The following TMEM165 variants were observed in gnomAD, a reference collection of about 807,000 sequenced individuals.
TMEM165 encodes transmembrane protein 165.
A neutral mutation model predicts 30.0 loss-of-function variants in TMEM165; 19 were observed. The observed-to-expected ratio is 0.63, with a 90% CI of 0.44 to 0.93. The LOEUF (loss-of-function observed/expected upper bound fraction) is 0.93, where lower values mean the gene tolerates loss of function less well. TMEM165 is among the 40% of genes least tolerant of loss of function. TMEM165 has a pLI of 0.00. For synonymous variants in TMEM165, 168 were observed against 162.9 expected, an observed-to-expected ratio of 1.03 and a Z score of -0.24; for missense variants, 340 against 417.0, an observed-to-expected ratio of 0.82 and a Z score of 1.61.
intron 1 of TMEM165, among the ~76,000 whole-genome samples, chr4:55,405,546 CTTTTAAGAGTACTAAATACATAATAGCG>C (rs1216803738): frequency 1.3e-5 from 2 of 152,116 alleles, no homozygotes; most frequent in African/African-American, 4.8e-5. Context: ...TCCGACATAC[CTTTTAAGAGTACTAAATACATAATAGCG>C]TTTTAAGAGT....
At chr4:55,407,630 C>T (rs372512451) in intron 1 of TMEM165, among the ~76,000 whole-genome samples, 50 of 152,132 alleles carry the variant, frequency 3.3e-4, no homozygotes, top group African/African-American at 1.2e-3. Context: ...TGCTCTGGCT[C>T]ATCCTTCAGG....
chr4:55,438,176 G>T, intron 3 of TMEM165: 1 of 1,380,604 alleles, frequency 7.2e-7, no homozygotes, highest in Non-Finnish European at 1.0e-6. Context: ...TGTACAATAA[G>T]CTTTTGTGAA....
At chr4:55,400,202 A>T (rs1720898120) in intron 1 of TMEM165, among the ~76,000 whole-genome samples, 1 of 75,048 alleles carries the variant, frequency 1.3e-5, no homozygotes, top group Non-Finnish European at 2.3e-5. Context: ...ATAAATATAT[A>T]ATTTATATTT....
chr4:55,438,612 ACTT>A, intron 3 of TMEM165: 1 of 1,605,356 alleles, frequency 6.2e-7, no homozygotes. Context: ...TGGAGTAAAT[ACTT>A]ACCTAAGATA....
chr4:55,404,558 T>A (rs1721195401), intron 1 of TMEM165, among the ~76,000 whole-genome samples: 1 of 152,120 alleles, frequency 6.6e-6, no homozygotes, highest in Non-Finnish European at 1.5e-5. Context: ...CCCAAGTAGC[T>A]GGGACTACAG....
chr4:55,427,825 T>A (rs1722295354), downstream of TMEM165: 1 of 152,198 alleles, frequency 6.6e-6, no homozygotes, highest in Admixed American at 6.5e-5. Context: ...GAATTTTTGG[T>A]AAGTCAGACC....
chr4:55,407,262 T>A (rs1721308494), intron 1 of TMEM165, among the ~76,000 whole-genome samples: 3 of 152,108 alleles, frequency 2.0e-5, no homozygotes, highest in African/African-American at 7.2e-5. Context: ...GGCTGAAGGC[T>A]TGTGGTTAGC....
At chr4:55,403,516 A>ATTTCT (rs1721132384) in intron 1 of TMEM165, among the ~76,000 whole-genome samples, 3 of 128,526 alleles carry the variant, frequency 2.3e-5, no homozygotes, top group Non-Finnish European at 4.8e-5. Flanking sequence ...TTTTTTTACA[A>ATTTCT]TTTTTACATT....
chr4:55,422,229 C>T (rs1305678210), intron 4 of TMEM165, among the ~76,000 whole-genome samples: 1 of 152,202 alleles, frequency 6.6e-6, no homozygotes, highest in Admixed American at 6.6e-5. Flanking sequence ...ATGCTATCAA[C>T]ATTCTTCTCT....
In TMEM165 at chr4:55,452,843, G is replaced by A. The variant is rs779475447; in HGVS notation, c.*537G>A. On this transcript the variant is annotated 3_prime_UTR_variant, in exon 4 of 4. Transcript: ENST00000608091. ...CACTGGGAATAAATGGTAGTTTTGA[G>A]ATCAGACACATCTCTCATCCAATTT... 1.0e-4 allele frequency: 45 copies of A among 450,264 alleles called. No homozygotes were observed. In the Middle Eastern group the frequency reaches 1.9e-3, roughly 19 times the overall value. The allele number at this position is 450,264 out of a possible 1,614,324, so 27.9% of individuals were successfully genotyped here.
At chr4:55,396,484 C>A in intron 1 of TMEM165, 88 bp downstream of exon 1, 1 of 1,175,936 alleles carries the variant, frequency 8.5e-7, no homozygotes, top group Non-Finnish European at 1.1e-6. Flanking sequence ...CCGCACTCCG[C>A]CGGCCTCGGC....
chr4:55,443,656 C>T (rs1723551341), intron 3 of TMEM165: 2 of 1,568,498 alleles, frequency 1.3e-6, no homozygotes, highest in Admixed American at 1.7e-5. Flanking sequence ...CCACTGATCA[C>T]TCCATAGCCC....
intron 2 of TMEM165, among the ~76,000 whole-genome samples, chr4:55,413,721 A>G (rs899695989): frequency 2.3e-4 from 35 of 152,376 alleles, no homozygotes; most frequent in African/African-American, 8.2e-4. Flanking sequence ...ACTTTTGCCT[A>G]GATTCACCTG....
chr4:55,422,852 T>C (rs1722039100), intron 4 of TMEM165, among the ~76,000 whole-genome samples: 2 of 152,128 alleles, frequency 1.3e-5, no homozygotes, highest in South Asian at 4.1e-4. Context: ...CATTTCACCA[T>C]GTTTCAGTCT....
intron 4 of TMEM165, among the ~76,000 whole-genome samples, chr4:55,420,533 A>G (rs190932585): frequency 1.9e-3 from 286 of 152,142 alleles, no homozygotes; most frequent in Admixed American, 3.9e-3. Flanking sequence ...GAAATAACAC[A>G]CGCAGGGTAT....
chr4:55,427,381 C>T (rs1212655948), downstream of TMEM165, among the ~76,000 whole-genome samples: 3 of 149,526 alleles, frequency 2.0e-5, no homozygotes, highest in Non-Finnish European at 4.4e-5. Context: ...CTCACTCTGT[C>T]ACCTGGGCTG....
chr4:55,406,467 G>A (rs923327960), intron 1 of TMEM165, among the ~76,000 whole-genome samples: 1 of 152,116 alleles, frequency 6.6e-6, no homozygotes, highest in East Asian at 1.9e-4. Context: ...GACGTGGTGT[G>A]TATTTATGAT....
intron 1 of TMEM165, among the ~76,000 whole-genome samples, chr4:55,404,768 T>C (rs1339589884): frequency 6.6e-6 from 1 of 152,200 alleles, no homozygotes; most frequent in Admixed American, 6.5e-5. Context: ...AGTTAGCAAA[T>C]TGCTAAATCC....
rs1279966145 is a variant in TMEM165, at chr4:55,449,302, G to A, written c.409-2937G>A. 3.5e-6 allele frequency: 4 copies of A among 1,127,200 alleles called. No homozygotes were observed. The African/African-American group carries it at 6.1e-5, about 17-fold the overall frequency. 69.8% of individuals were successfully genotyped at this position (1,127,200 alleles called of 1,614,324 possible). ...CAGTAACTATTTTGATCTTTACAAA[G>A]AGGGGTGACAAATAGATGAATTTCT... is the stretch of plus-strand genomic sequence containing the variant. On this transcript the variant is annotated intron_variant, in intron 3 of 3. Coordinates refer to the TMEM165 transcript ENST00000608091.
Sources: allele counts gnomAD v4.1 joint callset (sites outside exome capture counted in the v4.1 genomes callset), GRCh38; gene constraint gnomAD v4.1.1; transcripts MANE v1.5; gene names NCBI Gene and HGNC (gene_info 2026-07-23, HGNC 2026-07-21).